SCD5: variants seen among roughly 807,000 people sequenced by gnomAD.
SCD5 encodes acyl-CoA-desaturase 4.
Under a neutral mutation model 30.4 loss-of-function variants are expected in SCD5, and 20 were observed. The ratio of observed to expected loss-of-function variants is 0.66; its 90% CI spans 0.46 to 0.96. The LOEUF (loss-of-function observed/expected upper bound fraction) is 0.96, where lower values mean the gene tolerates loss of function less well. Ranked by LOEUF, SCD5 falls within the 40% of genes least tolerant of loss-of-function variation. The pLI, the probability that SCD5 is intolerant of heterozygous loss-of-function variation, is 0.00. For missense variants in SCD5, 381 were observed against 443.3 expected (o/e 0.86, Z 1.26); for synonymous variants, 173 against 176.4 (o/e 0.98, Z 0.16).
intron 1 of SCD5, among the ~76,000 whole-genome samples, chr4:82,721,110 G>A (rs1720361146): frequency 6.6e-6 from 1 of 152,174 alleles, no homozygotes; most frequent in South Asian, 2.1e-4. Context: ...CCAGTGAGCT[G>A]TGACCATGGC....
chr4:82,644,318 C>A (rs1560522527), intron 3 of SCD5, among the ~76,000 whole-genome samples: 1 of 152,196 alleles, frequency 6.6e-6, no homozygotes, highest in Non-Finnish European at 1.5e-5. Flanking sequence ...GCTTCTGCCC[C>A]TTCTTCCACA....
rs112255809 is a variant in SCD5 at position 82,798,394 on chromosome 4, C to T, written c.144G>A (p.Arg48=). The T allele has an allele frequency of 5.4e-4, 879 of 1,613,496 alleles. 9 individuals carry two copies. In the African/African-American group the frequency reaches 9.4e-3, roughly 17 times the overall value. The change falls in exon 1 of 5, where the codon AGG becomes AGA. Residue 48 remains arginine, a synonymous_variant. Coordinates refer to ENST00000319540, the MANE Select transcript of SCD5 (RefSeq NM_001037582.3). ...GGAGCAAGCTCATCAGGACGACATT[C>T]CTCCAGACGATGTTCTGCCGCTGCC... ...ARGQRQNIVW[R]NVVLMSLLHL...
intron 3 of SCD5, among the ~76,000 whole-genome samples, chr4:82,658,065 T>C (rs932841639): frequency 6.6e-6 from 1 of 152,228 alleles, no homozygotes; most frequent in African/African-American, 2.4e-5. Flanking sequence ...ACTTCCTCTC[T>C]TCCTATTTGA....
intron 3 of SCD5, among the ~76,000 whole-genome samples, chr4:82,640,304 C>G (rs563998008): frequency 2.6e-5 from 4 of 152,156 alleles, no homozygotes; most frequent in African/African-American, 9.7e-5. Context: ...ATGTGGTTTC[C>G]CAGGGGTAAG....
At chr4:82,746,759 G>A (rs1318678559) in intron 1 of SCD5, among the ~76,000 whole-genome samples, 3 of 151,938 alleles carry the variant, frequency 2.0e-5, no homozygotes, top group African/African-American at 4.8e-5. Flanking sequence ...AAAGAGCAAG[G>A]GAGGTGCTGA....
chr4:82,657,984 G>C (rs1397438467), intron 3 of SCD5, among the ~76,000 whole-genome samples: 2 of 152,168 alleles, frequency 1.3e-5, no homozygotes, highest in Non-Finnish European at 2.9e-5. Flanking sequence ...ATCAGCTTAA[G>C]GAGATTTTGG....
chr4:82,662,853 G>A (rs1329405924), intron 3 of SCD5, among the ~76,000 whole-genome samples: 4 of 114,434 alleles, frequency 3.5e-5, no homozygotes, highest in South Asian at 3.0e-4. Flanking sequence ...AGCAAACTCC[G>A]TCTCAAAAAA....
intron 3 of SCD5, among the ~76,000 whole-genome samples, chr4:82,645,796 T>C (rs373760567): frequency 4.6e-4 from 70 of 152,344 alleles, no homozygotes; most frequent in African/African-American, 1.5e-3. Flanking sequence ...ACACTAAGAA[T>C]AGTCTTGAAA....
At chr4:82,777,415 T>C (rs1365479091) in intron 1 of SCD5, among the ~76,000 whole-genome samples, 1 of 152,236 alleles carries the variant, frequency 6.6e-6, no homozygotes, top group Non-Finnish European at 1.5e-5. Context: ...TCCTCAGGGC[T>C]AAGGCCTATG....
At chr4:82,763,435 C>T (rs548343676) in intron 1 of SCD5, among the ~76,000 whole-genome samples, 4 of 152,258 alleles carry the variant, frequency 2.6e-5, no homozygotes, top group Admixed American at 6.5e-5. Context: ...CACTTGAATC[C>T]GGGAGGCAGA....
chr4:82,695,925 C>T (rs529853296), intron 2 of SCD5, among the ~76,000 whole-genome samples: 4 of 152,280 alleles, frequency 2.6e-5, no homozygotes, highest in Admixed American at 1.3e-4. Flanking sequence ...CACTTTTGAG[C>T]AATTTAACTC....
intron 2 of SCD5, among the ~76,000 whole-genome samples, chr4:82,695,068 G>A (rs1261945110): frequency 1.5e-5 from 2 of 135,434 alleles, no homozygotes; most frequent in Non-Finnish European, 3.1e-5. Flanking sequence ...GCCATGTGGA[G>A]CACTCAGCCT....
At chr4:82,713,034 G>T (rs28498874) in intron 1 of SCD5, among the ~76,000 whole-genome samples, 1 of 151,926 alleles carries the variant, frequency 6.6e-6, no homozygotes, top group Non-Finnish European at 1.5e-5. Context: ...TACAATAACC[G>T]GCAGCTCCTC....
chr4:82,698,154 G>A (rs1006687341), intron 2 of SCD5: 5 of 456,318 alleles, frequency 1.1e-5, no homozygotes, highest in Admixed American at 7.0e-5. Context: ...TGTTTCTGAT[G>A]TGCAGAAGAA....
chr4:82,670,434 G>A (rs1728285805), intron 3 of SCD5, among the ~76,000 whole-genome samples: 1 of 152,078 alleles, frequency 6.6e-6, no homozygotes, highest in African/African-American at 2.4e-5. Context: ...CTCTGAGTTT[G>A]ACGAAATATG....
At chr4:82,670,884 C>A (rs930952427) in intron 3 of SCD5, among the ~76,000 whole-genome samples, 7 of 151,772 alleles carry the variant, frequency 4.6e-5, no homozygotes, top group African/African-American at 1.7e-4. Context: ...CAATTTATTT[C>A]CATCAATAAA....
intron 2 of SCD5, among the ~76,000 whole-genome samples, chr4:82,686,034 C>T: frequency 6.6e-6 from 1 of 151,176 alleles, no homozygotes. Context: ...GAGACAGGGT[C>T]TCTCTCTGTC....
intron 1 of SCD5, among the ~76,000 whole-genome samples, chr4:82,773,819 C>T (rs1349088500): frequency 2.0e-5 from 3 of 152,050 alleles, no homozygotes; most frequent in African/African-American, 7.2e-5. Flanking sequence ...CACATAGAGG[C>T]CGGGCGTGGT....
chr4:82,672,732 C>T (rs1231916825), intron 3 of SCD5, among the ~76,000 whole-genome samples: 1 of 151,928 alleles, frequency 6.6e-6, no homozygotes, highest in Non-Finnish European at 1.5e-5. Flanking sequence ...TCAAACAAGA[C>T]AAAGATATTA....
Sources: gnomAD v4.1 joint callset for allele counts (sites outside exome capture counted in the v4.1 genomes callset) on GRCh38, gnomAD v4.1.1 for gene constraint, MANE v1.5 for transcripts, NCBI Gene and HGNC (gene_info 2026-07-23, HGNC 2026-07-21) for gene names.